Variants in SPMIP8 observed in about 807,000 individuals in gnomAD.
SPMIP8 encodes the protein testicular tissue protein Li 196.
At chr16:57,978,488 C>T in the SPMIP8 span, among the ~76,000 whole-genome samples, 2 of 151,496 alleles carry the variant, frequency 1.3e-5, no homozygotes, top group South Asian at 2.1e-4. Context: ...TGCAGTGAGC[C>T]GAGATCACAT....
chr16:57,984,604 C>A, the SPMIP8 span: 1 of 1,519,940 alleles, frequency 6.6e-7, no homozygotes, highest in Non-Finnish European at 8.8e-7. Flanking sequence ...GCGGCTACGG[C>A]CGCGCGGGCC....
the SPMIP8 span, chr16:57,977,832 G>A: frequency 6.2e-7 from 1 of 1,613,600 alleles, no homozygotes; most frequent in Non-Finnish European, 8.5e-7. Flanking sequence ...CCGCATCATT[G>A]ACCTGGTGCC....
the SPMIP8 span, chr16:57,986,005 C>T: frequency 3.3e-6 from 5 of 1,531,868 alleles, 1 homozygote; most frequent in East Asian, 1.2e-4. Flanking sequence ...CTGGGGACAG[C>T]CTCGGGGCTC....
chr16:57,987,594 T>G, the SPMIP8 span: 10 of 728,658 alleles, frequency 1.4e-5, no homozygotes, highest in Non-Finnish European at 2.0e-5. Flanking sequence ...TGTCTGTGTG[T>G]GTTGCACAGC....
the SPMIP8 span, chr16:57,985,233 G>C: frequency 6.4e-7 from 1 of 1,553,470 alleles, no homozygotes; most frequent in African/African-American, 1.4e-5. Context: ...TACGCGGTGC[G>C]GTACTTGAAG....
chr16:57,981,431 T>TATA, the SPMIP8 span, among the ~76,000 whole-genome samples: 6 of 133,132 alleles, frequency 4.5e-5, no homozygotes, highest in Non-Finnish European at 7.7e-5. Context: ...TTATTATTAT[T>TATA]ATAATTTGGT....
At chr16:57,980,202 A>T in the SPMIP8 span, among the ~76,000 whole-genome samples, 2 of 152,210 alleles carry the variant, frequency 1.3e-5, no homozygotes, top group African/African-American at 4.8e-5. Context: ...TCAAAGGAGG[A>T]GGGGTTGGGT....
the SPMIP8 span, chr16:57,984,644 C>T: frequency 6.3e-7 from 1 of 1,583,174 alleles, no homozygotes; most frequent in East Asian, 2.3e-5. Context: ...AGGACATCAC[C>T]GCCACAGGCC....
At chr16:57,980,375 G>A in the SPMIP8 span, among the ~76,000 whole-genome samples, 1 of 152,230 alleles carries the variant, frequency 6.6e-6, no homozygotes, top group East Asian at 1.9e-4. Flanking sequence ...ACCTTTAAAT[G>A]TATTACAATT....
chr16:57,977,836 T>C, the SPMIP8 span: 1 of 1,613,776 alleles, frequency 6.2e-7, no homozygotes. Context: ...ATCATTGACC[T>C]GGTGCCCTGG....
the SPMIP8 span, chr16:57,984,328 A>G: frequency 6.2e-7 from 1 of 1,613,736 alleles, no homozygotes; most frequent in Non-Finnish European, 8.5e-7. Context: ...CCCATTTTAC[A>G]CTCCTTGGGG....
chr16:57,980,243 C>G, the SPMIP8 span, among the ~76,000 whole-genome samples: 2 of 152,138 alleles, frequency 1.3e-5, no homozygotes, highest in Non-Finnish European at 2.9e-5. Context: ...GTTGGCTAAA[C>G]ATACATATTC....
At chr16:57,981,281 G>A in the SPMIP8 span, among the ~76,000 whole-genome samples, 1 of 144,622 alleles carries the variant, frequency 6.9e-6, no homozygotes, top group Non-Finnish European at 1.5e-5. Context: ...CTGGGAGACT[G>A]AGACAGGAGA....
the SPMIP8 span, among the ~76,000 whole-genome samples, chr16:57,983,273 A>T: frequency 6.6e-6 from 1 of 152,104 alleles, no homozygotes; most frequent in East Asian, 1.9e-4. Flanking sequence ...TCGAGCCACC[A>T]TACCTGGCAT....
At chr16:57,980,116 A>G in the SPMIP8 span, among the ~76,000 whole-genome samples, 1 of 152,222 alleles carries the variant, frequency 6.6e-6, no homozygotes, top group Non-Finnish European at 1.5e-5. Context: ...TATTTCTTAC[A>G]AGGGGTTATA....
At chr16:57,985,827 G>C in the SPMIP8 span, 2 of 1,508,196 alleles carry the variant, frequency 1.3e-6, no homozygotes, top group African/African-American at 1.4e-5. Context: ...CGGGGAGAGG[G>C]GGTGGCTCCC....
the SPMIP8 span, among the ~76,000 whole-genome samples, chr16:57,981,431 T>TAATTATTATTATTATAATA: frequency 2.7e-4 from 36 of 133,128 alleles, no homozygotes; most frequent in African/African-American, 8.7e-4. Context: ...TTATTATTAT[T>TAATTATTATTATTATAATA]ATAATTTGGT....
chr16:57,986,245 A>G, the SPMIP8 span: 1 of 334,176 alleles, frequency 3.0e-6, no homozygotes. Flanking sequence ...ACAAATAAGA[A>G]ACACAAGGGA....
chr16:57,981,703 A>G, the SPMIP8 span, among the ~76,000 whole-genome samples: 1 of 151,720 alleles, frequency 6.6e-6, no homozygotes, highest in Admixed American at 6.6e-5. Context: ...TTTAGTAGAC[A>G]TGGGGTTTCA....
Sources: gnomAD v4.1 joint callset for allele counts (sites outside exome capture counted in the v4.1 genomes callset) on GRCh38, gnomAD v4.1.1 for gene constraint, MANE v1.5 for transcripts, NCBI Gene and HGNC (gene_info 2026-07-23, HGNC 2026-07-21) for gene names.